Variants in MTHFD2 observed in about 807,000 individuals in gnomAD.
The protein encoded by MTHFD2 is methylenetetrahydrofolate dehydrogenase (NADP+ dependent) 2, methenyltetrahydrofolate cyclohydrolase.
A neutral mutation model predicts 36.8 loss-of-function variants in MTHFD2; 26 were observed. The ratio of observed to expected loss-of-function variants is 0.71; its 90% CI spans 0.52 to 0.98. The LOEUF is 0.98. Among genes scored for constraint, MTHFD2 ranks in the 50% least tolerant of loss-of-function variants. MTHFD2 has a pLI of 0.00. For missense variants in MTHFD2, 373 were observed against 434.0 expected, an observed-to-expected ratio of 0.86 and a Z score of 1.25; for synonymous variants, 164 against 155.2, an observed-to-expected ratio of 1.06 and a Z score of -0.42.
intron 1 of MTHFD2, among the ~76,000 whole-genome samples, chr2:74,201,457 A>G (rs1694041126): frequency 6.6e-6 from 1 of 151,698 alleles, no homozygotes; most frequent in South Asian, 2.1e-4. Context: ...TCCTGGGCTC[A>G]AGTGATCCTC....
chr2:74,214,300 G>C lies in MTHFD2; in HGVS notation c.*58G>C. 6.5e-7 allele frequency: 1 copy of C among 1,544,024 alleles called. No individual in the cohort carries two copies. The highest frequency in any genetic ancestry group is 8.8e-7 in the Non-Finnish European group (1 of 1,139,376). ...CAGGCCAGCTCAAGAAGCAAAGCAG[G>C]CCAATAGAAATGCAATATTTTTAAT... is the stretch of plus-strand genomic sequence containing the variant. On this transcript the variant is annotated 3_prime_UTR_variant, in exon 8 of 8. Coordinates refer to ENST00000394053, the MANE Select transcript of MTHFD2 (RefSeq NM_006636.4).
rs1044021294 is a variant in MTHFD2 at position 74,216,354 on chromosome 2, G to C, written c.*2112G>C. 2.2e-4 allele frequency: 34 copies of C among 152,296 alleles called. No homozygotes were observed. Among genetic ancestry groups the C allele is most frequent in the African/African-American group, 8.2e-4 (34 of 41,552 alleles). 9.4% of individuals were successfully genotyped at this position (152,296 alleles called of 1,614,324 possible). On this transcript the variant is annotated 3_prime_UTR_variant, in exon 8 of 8. Transcript: ENST00000394053. The stretch of plus-strand genomic sequence containing the variant: ...TGTTAAAAGCTATGGAAATTAAAAT[G>C]TTCATGTATATACAAAATATAAATG...
chr2:74,211,735 T>A lies in MTHFD2; in HGVS notation c.764-6T>A. The A allele has an allele frequency of 1.9e-6, 3 of 1,602,790 alleles. No individual in the cohort carries two copies. Among genetic ancestry groups the A allele is most frequent in the Non-Finnish European group, 1.7e-6 (2 of 1,175,024 alleles). On this transcript the variant is annotated splice_polypyrimidine_tract_variant and splice_region_variant and intron_variant, in intron 6 of 7. Transcript: ENST00000394053. ...CTAAGTTGATCTTTCCTTTCTCCAT[T>A]TCCAGGTATTCCAAATCTGATCACA...
intron 2 of MTHFD2, 47 bp from the exon 3 acceptor site, chr2:74,207,657 A>ATAG: frequency 6.4e-7 from 1 of 1,558,716 alleles, no homozygotes; most frequent in Non-Finnish European, 8.8e-7. Flanking sequence ...AGCAGTGCTC[A>ATAG]TTAAATGCCT....
chr2:74,202,949 T>C (rs1359759336), intron 1 of MTHFD2, among the ~76,000 whole-genome samples: 1 of 152,230 alleles, frequency 6.6e-6, no homozygotes, highest in Non-Finnish European at 1.5e-5. Context: ...TGTTGTGCCA[T>C]GCTAGTATTA....
At chr2:74,208,953 A>G (rs1479965646) in intron 4 of MTHFD2, among the ~76,000 whole-genome samples, 1 of 151,704 alleles carries the variant, frequency 6.6e-6, no homozygotes, top group Non-Finnish European at 1.5e-5. Flanking sequence ...GGCTCACTGC[A>G]GCCTCTGCCT....
chr2:74,213,462 A>C (rs1694356395), intron 7 of MTHFD2, among the ~76,000 whole-genome samples: 1 of 150,732 alleles, frequency 6.6e-6, no homozygotes, highest in Non-Finnish European at 1.5e-5. Context: ...TTTTTTGTAG[A>C]GATGGGGTTT....
rs775325941 is a variant in MTHFD2 at position 74,198,636 on chromosome 2, C to A, written c.-6C>A. 9.4e-6 allele frequency: 15 copies of A among 1,599,244 alleles called. No homozygotes were observed. The highest frequency in any genetic ancestry group is 1.3e-5 in the African/African-American group (1 of 74,348). ...TTCCCTCCCGGCGCAGTCACCGGCG[C>A]GGTCTATGGCTGCGACTTCTCTAAT... On this transcript the variant is annotated 5_prime_UTR_variant, in exon 1 of 8. Transcript: ENST00000394053.
intron 7 of MTHFD2, 78 bp downstream of exon 7, chr2:74,211,944 C>CATTT: frequency 2.2e-6 from 1 of 461,356 alleles, no homozygotes; most frequent in Non-Finnish European, 2.9e-6. Flanking sequence ...AGATTATTTA[C>CATTT]TTTTTTTTTT....
At position 74,217,449 on chromosome 2, in the gene MTHFD2, T is replaced by C. The variant is rs2103852384; in HGVS notation, c.*3207T>C. ...TCATTCCTTTAAAGTACTAGGTTGA[T>C]TAATATTGCAAAGTTGTAATGTAAA... On this transcript the variant is annotated 3_prime_UTR_variant, in exon 8 of 8. Coordinates refer to ENST00000394053, the MANE Select transcript of MTHFD2 (RefSeq NM_006636.4). The C allele has an allele frequency of 6.6e-6, 1 of 152,344 alleles. No individual in the cohort carries two copies. The highest frequency in any genetic ancestry group is 6.5e-5 in the Admixed American group (1 of 15,306). 9.4% of individuals were successfully genotyped at this position (152,344 alleles called of 1,614,324 possible).
chr2:74,215,371 T>C lies in MTHFD2; in HGVS notation c.*1129T>C, dbSNP rs1257220267. The C allele has an allele frequency of 3.3e-5, 5 of 152,124 alleles. No homozygotes were observed. Among genetic ancestry groups the C allele is most frequent in the Admixed American group, 2.6e-4 (4 of 15,266 alleles). 9.4% of individuals were successfully genotyped at this position (152,124 alleles called of 1,614,324 possible). A position where few individuals can be genotyped will look rare whatever the true frequency, so the allele number is the denominator to read the frequency against. On this transcript the variant is annotated 3_prime_UTR_variant, in exon 8 of 8. Transcript: ENST00000394053. ...CATTTAATCAATGTAGCTATTCCTATATTCAGTAACACTTACTTCTATAGC... is the reference window on the plus strand; with the variant it reads ...CATTTAATCAATGTAGCTATTCCTACATTCAGTAACACTTACTTCTATAGC...
chr2:74,210,383 GA>G (rs1208499963), intron 5 of MTHFD2, among the ~76,000 whole-genome samples: 1 of 152,154 alleles, frequency 6.6e-6, no homozygotes. Flanking sequence ...TCATTTAGTG[GA>G]AAAAAATCTT....
At chr2:74,202,636 C>T (rs1694066684) in intron 1 of MTHFD2, among the ~76,000 whole-genome samples, 2 of 152,090 alleles carry the variant, frequency 1.3e-5, no homozygotes, top group African/African-American at 2.4e-5. Flanking sequence ...AATCGATTCT[C>T]CTGCCTCAGC....
rs539073985 is a variant in MTHFD2, at chr2:74,212,052, C to T, written c.889+186C>T. 9.9e-5 allele frequency among the ~76,000 whole-genome samples: 14 copies of T among 141,162 alleles called. No homozygotes were observed. In the East Asian group the frequency reaches 2.7e-3, roughly 27 times the overall value. The allele number at this position is 141,162 out of a possible 152,430, so 92.6% of individuals were successfully genotyped here. A position where few individuals can be genotyped will look rare whatever the true frequency, so the allele number is the denominator to read the frequency against. On this transcript the variant is annotated intron_variant, in intron 7 of 7. Transcript: ENST00000394053. ...GCAACCTCTGCCTCCTGGGTTCAAG[C>T]TATTCTTCTGCCTCAGCCTCCCGAG...
intron 1 of MTHFD2, among the ~76,000 whole-genome samples, chr2:74,204,796 T>C (rs1266097752): frequency 6.6e-6 from 1 of 152,128 alleles, no homozygotes; most frequent in Non-Finnish European, 1.5e-5. Flanking sequence ...GGTGGTCATT[T>C]TGATGTTTGA....
chr2:74,214,458 C>G lies in MTHFD2; in HGVS notation c.*216C>G, dbSNP rs530536487. 41 of 370,276 alleles carry G rather than the reference C, an allele frequency of 1.1e-4. No homozygotes were observed. The Middle Eastern group carries it at 2.4e-3, about 21-fold the overall frequency. The allele number at this position is 370,276 out of a possible 1,614,324, so 22.9% of individuals were successfully genotyped here. A position where few individuals can be genotyped will look rare whatever the true frequency, so the allele number is the denominator to read the frequency against. On this transcript the variant is annotated 3_prime_UTR_variant, in exon 8 of 8. Coordinates refer to ENST00000394053, the MANE Select transcript of MTHFD2 (RefSeq NM_006636.4). ...TATCATGCAGGGTCCTGTGATCTAG[C>G]CAGGAGCAGCCATTAACCTAGTGAT...
In MTHFD2 at chr2:74,203,859, T is replaced by TAGTTG. The variant is rs1694102420; in HGVS notation, c.102-1842_102-1841insGAGTT. Reference sequence around the variant, plus strand: ...GATGCTCATCTAGTTTAGTTTAGTTTAGTTTAGTTTAGTTTAGTTTAGTTT... The same window carrying TAGTTG: ...GATGCTCATCTAGTTTAGTTTAGTTTAGTTGAGTTTAGTTTAGTTTAGTTTAGTTT... On this transcript the variant is annotated intron_variant, in intron 1 of 7. Transcript: ENST00000394053. 5.6e-5 allele frequency among the ~76,000 whole-genome samples: 3 copies of TAGTTG among 54,004 alleles called. No individual in the cohort carries two copies. The South Asian group carries it at 1.3e-3, about 24-fold the overall frequency. 35.4% of individuals were successfully genotyped at this position (54,004 alleles called of 152,430 possible). A position where few individuals can be genotyped will look rare whatever the true frequency, so the allele number is the denominator to read the frequency against.
At chr2:74,211,943 ACTTTTT>A in intron 7 of MTHFD2, 77 bp downstream of exon 7, 2 of 690,834 alleles carry the variant, frequency 2.9e-6, no homozygotes, top group Non-Finnish European at 1.9e-6. Context: ...TAGATTATTT[ACTTTTT>A]TTTTTTTTTT....
rs770437776 is a variant in MTHFD2, at chr2:74,208,768, A to C, written c.562+47A>C. Reference sequence around the variant, plus strand: ...ATGTCTGTGTTAATATTATAAAAGTAGTACTGGCAAATGGTAAAAACTCAT... The same window carrying C: ...ATGTCTGTGTTAATATTATAAAAGTCGTACTGGCAAATGGTAAAAACTCAT... On this transcript the variant is annotated intron_variant, in intron 4 of 7. Transcript: ENST00000394053. 3 of 1,583,766 alleles carry C rather than the reference A, an allele frequency of 1.9e-6. No individual in the cohort carries two copies. In the South Asian group the frequency reaches 3.4e-5, roughly 18 times the overall value.
Sources: gnomAD v4.1 joint callset for allele counts (sites outside exome capture counted in the v4.1 genomes callset) on GRCh38, gnomAD v4.1.1 for gene constraint, MANE v1.5 for transcripts, NCBI Gene and HGNC (gene_info 2026-07-23, HGNC 2026-07-21) for gene names.